The following UGT1A6 variants were observed in gnomAD, a reference collection of about 807,000 sequenced individuals.
The protein encoded by UGT1A6 is UDP-glucuronosyltransferase 1A6.
In UGT1A6, 32 loss-of-function variants were observed where a neutral mutation model predicts 44.4. That is an observed-to-expected ratio of 0.72 (90% CI 0.54 to 0.97). The LOEUF (loss-of-function observed/expected upper bound fraction) is 0.97, where lower values mean the gene tolerates loss of function less well. Ranked by LOEUF, UGT1A6 falls within the 50% of genes least tolerant of loss-of-function variation. UGT1A6 has a pLI of 0.00. For missense variants in UGT1A6, 685 were observed against 661.9 expected (o/e 1.03, Z -0.38); for synonymous variants, 238 against 248.5 (o/e 0.96, Z 0.40).
Position 233,772,465 on chromosome 2 carries a change from C to T in UGT1A6, c.1505C>T (p.Ala502Val), listed in dbSNP as rs1575871358. ...GFLLAVVLTV[A>V]FITFKCCAYG... ...CTCTTGGCCGTCGTGCTGACAGTGG[C>T]CTTCATCACCTTTAAATGTTGTGCT... Residue 502 changes from alanine to valine, a missense_variant, in exon 5 of 5, where the codon GCC (alanine) becomes GTC (valine). Transcript: ENST00000305139. 1 of 1,614,018 alleles carries T rather than the reference C, an allele frequency of 6.2e-7. No individual in the cohort carries two copies. Among genetic ancestry groups the T allele is most frequent in the African/African-American group, 1.3e-5 (1 of 74,896 alleles).
chr2:233,763,806 G>A (rs1352583064), intron 1 of UGT1A6, among the ~76,000 whole-genome samples: 14 of 152,218 alleles, frequency 9.2e-5, no homozygotes, highest in Non-Finnish European at 1.8e-4. Context: ...TGAAACTCAA[G>A]AATTCCAAGA....
intron 1 of UGT1A6, among the ~76,000 whole-genome samples, 188 bp downstream of exon 1, chr2:233,694,053 G>C (rs1403841501): frequency 6.6e-6 from 1 of 152,180 alleles, no homozygotes; most frequent in Admixed American, 6.5e-5. Context: ...AGAGGCATTC[G>C]GATGAAGACA....
In UGT1A6 at chr2:233,724,567, C is replaced by T. The variant is rs1005770116; in HGVS notation, c.861+30702C>T. Among the ~76,000 whole-genome samples, 5 of 126,436 alleles carry T rather than the reference C, an allele frequency of 4.0e-5. No individual in the cohort carries two copies. In the East Asian group the frequency reaches 1.3e-3, roughly 33 times the overall value. 82.9% of individuals were successfully genotyped at this position (126,436 alleles called of 152,430 possible). A position where few individuals can be genotyped will look rare whatever the true frequency, so the allele number is the denominator to read the frequency against. On this transcript the variant is annotated intron_variant, in intron 1 of 4. Coordinates refer to ENST00000305139, the MANE Select transcript of UGT1A6 (RefSeq NM_001072.4). ...GCTCCTCACATCCCAGATGGGGCGG[C>T]GGGGCAGAGGCGCTCCCCACATCTC...
chr2:233,765,361 G>A (rs1166048656), intron 1 of UGT1A6, among the ~76,000 whole-genome samples: 1 of 152,180 alleles, frequency 6.6e-6, no homozygotes, highest in Non-Finnish European at 1.5e-5. Context: ...CAACCCAGAT[G>A]CCCATCAATG....
chr2:233,698,206 T>C (rs1373729225), intron 1 of UGT1A6, among the ~76,000 whole-genome samples: 1 of 152,228 alleles, frequency 6.6e-6, no homozygotes. Context: ...ACATGCACTT[T>C]TAATTATTAG....
At chr2:233,724,418 G>C (rs1312846631) in intron 1 of UGT1A6, among the ~76,000 whole-genome samples, 1 of 134,216 alleles carries the variant, frequency 7.5e-6, no homozygotes, top group African/African-American at 2.8e-5. Flanking sequence ...TGGCTGCCGG[G>C]CGGAGAGGCT....
At chr2:233,760,138 T>C (rs2125979054) in intron 1 of UGT1A6, 1 of 1,410,406 alleles carries the variant, frequency 7.1e-7, no homozygotes, top group African/African-American at 1.4e-5. Context: ...TCTTTATCTC[T>C]GAAAGTGAAC....
chr2:233,758,772 T>G lies in UGT1A6; in HGVS notation c.862-8262T>G, dbSNP rs34118072. Reference sequence around the variant, plus strand: ...GCCAGTGATGTGTATGGTTCAAATGTTGGGATCTGTGCAGTTATCTTGGAA... The same window carrying G: ...GCCAGTGATGTGTATGGTTCAAATGGTGGGATCTGTGCAGTTATCTTGGAA... On this transcript the variant is annotated intron_variant, in intron 1 of 4. Coordinates refer to ENST00000305139, the MANE Select transcript of UGT1A6 (RefSeq NM_001072.4). Among the ~76,000 whole-genome samples, 852 of 152,332 alleles carry G rather than the reference T, an allele frequency of 5.6e-3. 11 individuals carry two copies. The highest frequency in any genetic ancestry group is 0.02 in the African/African-American group (820 of 41,568).
Position 233,719,565 on chromosome 2 carries a change from G to C in UGT1A6, c.861+25700G>C, listed in dbSNP as rs1369586319. The C allele has an allele frequency of 1.5e-5, 24 of 1,613,790 alleles. No individual in the cohort carries two copies. The highest frequency in any genetic ancestry group is 1.9e-5 in the Non-Finnish European group (23 of 1,179,874). ...GAGAGAGGTGTCAGTGGTGGATCTT[G>C]TCAGCTATGCATCCGTGTGGCTGTT... On this transcript the variant is annotated intron_variant, in intron 1 of 4. Coordinates refer to ENST00000305139, the MANE Select transcript of UGT1A6 (RefSeq NM_001072.4).
intron 1 of UGT1A6, chr2:233,743,980 G>A (rs1692624028): frequency 1.2e-5 from 15 of 1,302,748 alleles, no homozygotes; most frequent in African/African-American, 1.5e-5. Flanking sequence ...CCAGCACCCA[G>A]GCGCAGGCCC....
intron 1 of UGT1A6, among the ~76,000 whole-genome samples, chr2:233,709,572 T>G (rs1359282457): frequency 6.6e-6 from 1 of 152,130 alleles, no homozygotes; most frequent in African/African-American, 2.4e-5. Context: ...AACTTAAAAT[T>G]CAAAAAATAT....
chr2:233,756,808 C>T (rs1575745774), intron 1 of UGT1A6, among the ~76,000 whole-genome samples: 1 of 152,078 alleles, frequency 6.6e-6, no homozygotes, highest in Non-Finnish European at 1.5e-5. Context: ...TAGTAAAGGT[C>T]ACTCAATTCC....
intron 1 of UGT1A6, among the ~76,000 whole-genome samples, chr2:233,717,462 T>A (rs1357156698): frequency 6.6e-6 from 1 of 152,152 alleles, no homozygotes; most frequent in Non-Finnish European, 1.5e-5. Flanking sequence ...GCCTGTCCCA[T>A]GGGTTGTGTC....
chr2:233,695,904 T>G (rs1053532133), intron 1 of UGT1A6, among the ~76,000 whole-genome samples: 3 of 152,084 alleles, frequency 2.0e-5, no homozygotes, highest in Non-Finnish European at 4.4e-5. Context: ...TGTGTGGGGT[T>G]TTTTTTCTCC....
At chr2:233,730,314 G>A (rs1295285736) in intron 1 of UGT1A6, among the ~76,000 whole-genome samples, 3 of 152,172 alleles carry the variant, frequency 2.0e-5, no homozygotes, top group Admixed American at 6.5e-5. Flanking sequence ...AGCTTGGCAG[G>A]AACAGGGACA....
At position 233,769,619 on chromosome 2, in the gene UGT1A6, C is replaced by G; in HGVS notation, c.1301+1180C>G. The G allele has an allele frequency of 1.9e-6, 3 of 1,612,516 alleles. No individual in the cohort carries two copies. The highest frequency in any genetic ancestry group is 2.5e-6 in the Non-Finnish European group (3 of 1,179,738). ...GAACACGGGGACACACCAGCTTGAG[C>G]AAGGGACAACAGGGGAGGACTGATG... On this transcript the variant is annotated intron_variant, in intron 4 of 4. Transcript: ENST00000305139. This position sits in a 1 kb window ranked among gnomAD's most constrained non-coding sequence, Gnocchi z 4.4.
intron 1 of UGT1A6, among the ~76,000 whole-genome samples, chr2:233,751,872 G>A (rs151015857): frequency 1.6e-4 from 24 of 152,228 alleles, no homozygotes; most frequent in African/African-American, 2.2e-4. Context: ...AAATTACCCC[G>A]TCTTGGGTAT....
chr2:233,702,674 T>C (rs1045576021), intron 1 of UGT1A6, among the ~76,000 whole-genome samples: 4 of 152,172 alleles, frequency 2.6e-5, no homozygotes, highest in African/African-American at 9.7e-5. Flanking sequence ...TTATCATACC[T>C]GAGGTGTTTG....
At chr2:233,718,974 C>T (rs1346744859) in intron 1 of UGT1A6, 1 of 1,614,236 alleles carries the variant, frequency 6.2e-7, no homozygotes, top group South Asian at 1.1e-5. Flanking sequence ...GCGGGAGCTC[C>T]ATGCCAGAGG....
Sources: gnomAD v4.1 joint callset for allele counts (sites outside exome capture counted in the v4.1 genomes callset) on GRCh38, gnomAD v4.1.1 for gene constraint, Gnocchi (gnomAD v3.1) non-coding constraint, MANE v1.5 for transcripts, NCBI Gene and HGNC (gene_info 2026-07-23, HGNC 2026-07-21) for gene names.